The following CPNE5 variants were observed in gnomAD, a reference collection of about 807,000 sequenced individuals.
CPNE5 encodes copine-5.
CPNE5 carries 42 observed loss-of-function variants against 81.1 expected under a neutral mutation model. That is an observed-to-expected ratio of 0.52 (90% CI 0.40 to 0.67). The LOEUF (loss-of-function observed/expected upper bound fraction) is 0.67, where lower values mean the gene tolerates loss of function less well. Among genes scored for constraint, CPNE5 ranks in the 30% least tolerant of loss-of-function variants. The pLI is 0.00. For missense variants in CPNE5, 612 were observed against 815.5 expected (o/e 0.75, Z 3.04); for synonymous variants, 313 against 321.5 (o/e 0.97, Z 0.28).
intron 3 of CPNE5, among the ~76,000 whole-genome samples, chr6:36,819,618 A>T (rs938480087): frequency 3.9e-5 from 6 of 152,158 alleles, no homozygotes; most frequent in African/African-American, 1.4e-4. Context: ...TTCAGACTTT[A>T]TTAAGTCTTT....
chr6:36,788,400 G>A (rs569502240), intron 8 of CPNE5, among the ~76,000 whole-genome samples: 181 of 152,176 alleles, frequency 1.2e-3, no homozygotes, highest in Non-Finnish European at 1.1e-3. Flanking sequence ...ACAGAAGGTC[G>A]GTGACTGTTC....
At chr6:36,829,875 A>G (rs1772842586) in intron 1 of CPNE5, among the ~76,000 whole-genome samples, 1 of 141,118 alleles carries the variant, frequency 7.1e-6, no homozygotes, top group Non-Finnish European at 1.5e-5. Context: ...AAAAATACCC[A>G]ACAGGAATCC....
intron 12 of CPNE5, among the ~76,000 whole-genome samples, chr6:36,757,804 G>A (rs1765627789): frequency 6.6e-6 from 1 of 152,174 alleles, no homozygotes; most frequent in Non-Finnish European, 1.5e-5. Flanking sequence ...GGCACAGGAA[G>A]GCTCTGGGCA....
In CPNE5 at chr6:36,742,781, C is replaced by T. The variant is rs1039893430; in HGVS notation, c.1564-295G>A. 13 of 985,356 alleles carry T rather than the reference C, an allele frequency of 1.3e-5. No homozygotes were observed. In the African/African-American group the frequency reaches 2.3e-4, roughly 17 times the overall value. The allele number at this position is 985,356 out of a possible 1,614,324, so 61.0% of individuals were successfully genotyped here. On this transcript the variant is annotated intron_variant, in intron 20 of 20. Coordinates refer to ENST00000244751, the MANE Select transcript of CPNE5 (RefSeq NM_020939.2). ...TCCACCTCGGCACTAAGCACAGGCT[C>T]TGAGTAGGTGCTTCCGAAATGCCAA...
intron 3 of CPNE5, among the ~76,000 whole-genome samples, chr6:36,807,865 G>A (rs774909519): frequency 1.3e-5 from 2 of 152,124 alleles, no homozygotes; most frequent in East Asian, 1.9e-4. Flanking sequence ...AAAAAAGGCC[G>A]CAGAAAACCT....
chr6:36,812,574 A>G (rs1047403699), intron 3 of CPNE5, among the ~76,000 whole-genome samples: 4 of 152,250 alleles, frequency 2.6e-5, no homozygotes, highest in Admixed American at 1.3e-4. Flanking sequence ...TGGCAAAGTC[A>G]GGATTCAAAG....
At chr6:36,779,104 C>T (rs927735737) in intron 8 of CPNE5, 147 bp from the exon 9 acceptor site, 2 of 567,410 alleles carry the variant, frequency 3.5e-6, no homozygotes, top group East Asian at 2.8e-5. Context: ...CCTCAGACGG[C>T]CCCCCAGCAG....
At chr6:36,753,441 T>C (rs1347437701) in intron 13 of CPNE5, among the ~76,000 whole-genome samples, 1 of 152,186 alleles carries the variant, frequency 6.6e-6, no homozygotes, top group South Asian at 2.1e-4. Context: ...GTTAGTTTCC[T>C]CTAAGTGGGC....
chr6:36,811,078 TCGGGGAA>T (rs943157252), intron 3 of CPNE5, among the ~76,000 whole-genome samples: 5 of 152,320 alleles, frequency 3.3e-5, no homozygotes, highest in Admixed American at 1.3e-4. Context: ...TCCCAGCTCC[TCGGGGAA>T]CGGGGAACGA....
chr6:36,821,317 G>A (rs58065571), intron 3 of CPNE5, among the ~76,000 whole-genome samples: 2,835 of 152,104 alleles, frequency 0.019, 102 homozygotes, highest in African/African-American at 0.065. Context: ...AAGGTGGGGG[G>A]ACTGGGAGGC....
chr6:36,799,170 C>T (rs1229007949), intron 4 of CPNE5, among the ~76,000 whole-genome samples: 2 of 152,176 alleles, frequency 1.3e-5, no homozygotes, highest in Non-Finnish European at 2.9e-5. Context: ...AACAGCCATG[C>T]CAGGCCCAGA....
chr6:36,820,335 C>CTA (rs1771928900), intron 3 of CPNE5, among the ~76,000 whole-genome samples: 1 of 92,390 alleles, frequency 1.1e-5, no homozygotes, highest in South Asian at 4.1e-4. Flanking sequence ...CTAATCCATT[C>CTA]TTTTTTTTTT....
At chr6:36,802,519 C>T (rs998126373) in intron 3 of CPNE5, among the ~76,000 whole-genome samples, 1 of 152,104 alleles carries the variant, frequency 6.6e-6, no homozygotes, top group South Asian at 2.1e-4. Flanking sequence ...GGGTGCTGTT[C>T]GTTACAATAT....
chr6:36,784,116 G>C (rs906202449), intron 8 of CPNE5, among the ~76,000 whole-genome samples: 1 of 152,230 alleles, frequency 6.6e-6, no homozygotes, highest in Admixed American at 6.5e-5. Flanking sequence ...AAATCCGCCA[G>C]TGTGCAACAC....
chr6:36,765,182 C>T (rs1300225378), intron 11 of CPNE5, among the ~76,000 whole-genome samples, 153 bp downstream of exon 11: 2 of 152,016 alleles, frequency 1.3e-5, no homozygotes, highest in Non-Finnish European at 2.9e-5. Flanking sequence ...GAGGACCCCT[C>T]CCCCACCCTC....
At chr6:36,820,667 G>C (rs1278964686) in intron 3 of CPNE5, among the ~76,000 whole-genome samples, 1 of 151,874 alleles carries the variant, frequency 6.6e-6, no homozygotes, top group Non-Finnish European at 1.5e-5. Flanking sequence ...TAGCCTGGCA[G>C]GGTGGCATGT....
At chr6:36,816,332 G>A (rs547741697) in intron 3 of CPNE5, among the ~76,000 whole-genome samples, 1 of 152,320 alleles carries the variant, frequency 6.6e-6, no homozygotes, top group African/African-American at 2.4e-5. Flanking sequence ...CATGAAATGT[G>A]GTGACAGATT....
At chr6:36,787,828 C>G (rs543484142) in intron 8 of CPNE5, among the ~76,000 whole-genome samples, 1 of 152,106 alleles carries the variant, frequency 6.6e-6, no homozygotes, top group Non-Finnish European at 1.5e-5. Context: ...CCATGACCAC[C>G]GCCACCATCC....
At chr6:36,784,807 G>A (rs1562134652) in intron 8 of CPNE5, among the ~76,000 whole-genome samples, 1 of 152,030 alleles carries the variant, frequency 6.6e-6, no homozygotes, top group Non-Finnish European at 1.5e-5. Context: ...GCCATGTGTG[G>A]TGGTGCGCAC....
Sources: gnomAD v4.1 joint callset for allele counts (sites outside exome capture counted in the v4.1 genomes callset) on GRCh38, gnomAD v4.1.1 for gene constraint, MANE v1.5 for transcripts, NCBI Gene and HGNC (gene_info 2026-07-23, HGNC 2026-07-21) for gene names.